Variants in PTPRD observed in about 807,000 individuals in gnomAD.
PTPRD encodes the protein receptor-type tyrosine-protein phosphatase delta.
PTPRD carries 34 observed loss-of-function variants against 214.5 expected under a neutral mutation model. The ratio of observed to expected loss-of-function variants is 0.16; its 90% CI spans 0.12 to 0.21. PTPRD has a LOEUF of 0.21. PTPRD is among the 10% of genes least tolerant of loss of function. The pLI is 1.00. For missense variants in PTPRD, 2,545 were observed against 2,398.7 expected, an observed-to-expected ratio of 1.06 and a Z score of -1.27; for synonymous variants, 1,128 against 845.7, an observed-to-expected ratio of 1.33 and a Z score of -5.79.
intron 11 of PTPRD, among the ~76,000 whole-genome samples, chr9:8,786,667 G>A (rs945116012): frequency 6.6e-6 from 1 of 151,346 alleles, no homozygotes; most frequent in Non-Finnish European, 1.5e-5. Flanking sequence ...CACCCGCCTC[G>A]GCATCCTAAA....
chr9:8,646,845 T>C (rs558494478), intron 12 of PTPRD, among the ~76,000 whole-genome samples: 3 of 152,320 alleles, frequency 2.0e-5, no homozygotes, highest in Non-Finnish European at 4.4e-5. Flanking sequence ...TTTCAATGCA[T>C]ACATGAGCTT....
At chr9:8,730,291 A>G (rs779989068) in intron 12 of PTPRD, among the ~76,000 whole-genome samples, 1 of 152,174 alleles carries the variant, frequency 6.6e-6, no homozygotes, top group Admixed American at 6.6e-5. Context: ...TATTGCGAGT[A>G]TATAGTGACT....
chr9:10,602,838 T>C (rs373805074), intron 2 of PTPRD, among the ~76,000 whole-genome samples: 8 of 151,812 alleles, frequency 5.3e-5, no homozygotes, highest in African/African-American at 1.9e-4. Flanking sequence ...TTCATTATTA[T>C]GTGGGGCATG....
Position 9,877,490 on chromosome 9 carries a change from T to G in PTPRD, c.-368+61017A>C, listed in dbSNP as rs897142047. On this transcript the variant is annotated intron_variant, in intron 5 of 45. Coordinates refer to ENST00000381196, the MANE Select transcript of PTPRD (RefSeq NM_002839.4). ...GATATGTTAGAACCACTGTATGAGG[T>G]GGAGATTCTTTTCTTTTTCATGACT... Among the ~76,000 whole-genome samples the G allele has an allele frequency of 3.9e-5, 6 of 152,178 alleles. No homozygotes were observed. In the East Asian group the frequency reaches 7.7e-4, roughly 20 times the overall value.
At chr9:8,448,231 G>C (rs1035475640) in intron 34 of PTPRD, among the ~76,000 whole-genome samples, 3 of 152,138 alleles carry the variant, frequency 2.0e-5, no homozygotes, top group African/African-American at 7.2e-5. Context: ...GGGAAGCTGA[G>C]GTAGGGGGAT....
chr9:8,638,103 CTTTTT>C (rs963311950), intron 12 of PTPRD, among the ~76,000 whole-genome samples: 1 of 127,030 alleles, frequency 7.9e-6, no homozygotes, highest in Non-Finnish European at 1.7e-5. Context: ...GCTGTTCCTT[CTTTTT>C]TTTTTTTTTT....
chr9:9,591,906 T>A (rs1209113002), intron 7 of PTPRD, among the ~76,000 whole-genome samples: 1 of 152,084 alleles, frequency 6.6e-6, no homozygotes, highest in Non-Finnish European at 1.5e-5. Flanking sequence ...ACACCAGAAC[T>A]TATTCCTGCT....
At chr9:10,455,653 G>T (rs1163763778) in intron 2 of PTPRD, among the ~76,000 whole-genome samples, 1 of 151,656 alleles carries the variant, frequency 6.6e-6, no homozygotes, top group African/African-American at 2.4e-5. Context: ...AATTTGGATA[G>T]AAACTTTATG....
intron 11 of PTPRD, among the ~76,000 whole-genome samples, chr9:8,918,776 A>G (rs2098805058): frequency 6.6e-6 from 1 of 152,202 alleles, no homozygotes. Context: ...AATCACCCAA[A>G]GGCTAGTTTA....
intron 3 of PTPRD, among the ~76,000 whole-genome samples, chr9:10,148,851 G>A (rs1166732866): frequency 6.6e-6 from 1 of 152,100 alleles, no homozygotes; most frequent in Non-Finnish European, 1.5e-5. Context: ...TACTATCTCA[G>A]ACACATTTTA....
chr9:9,356,441 C>G (rs2053818816), intron 9 of PTPRD, among the ~76,000 whole-genome samples: 1 of 150,996 alleles, frequency 6.6e-6, no homozygotes, highest in African/African-American at 2.4e-5. Flanking sequence ...AATAAACAAA[C>G]CAAGTGAAAT....
At chr9:8,572,753 T>C (rs1482992151) in intron 14 of PTPRD, among the ~76,000 whole-genome samples, 2 of 152,010 alleles carry the variant, frequency 1.3e-5, no homozygotes, top group Non-Finnish European at 2.9e-5. Flanking sequence ...AAAAACAACG[T>C]AGCACATTTC....
chr9:8,769,461 G>A (rs2095029698), intron 11 of PTPRD, among the ~76,000 whole-genome samples: 1 of 152,158 alleles, frequency 6.6e-6, no homozygotes, highest in African/African-American at 2.4e-5. Flanking sequence ...CATCCACAAA[G>A]TGTGTGATTT....
At chr9:10,580,460 G>T (rs12335709) in intron 2 of PTPRD, among the ~76,000 whole-genome samples, 3 of 152,060 alleles carry the variant, frequency 2.0e-5, no homozygotes, top group Non-Finnish European at 4.4e-5. Context: ...ACACTTTTTG[G>T]TTCTTGTATA....
At chr9:9,013,399 C>A (rs759931489) in intron 11 of PTPRD, among the ~76,000 whole-genome samples, 6 of 152,086 alleles carry the variant, frequency 3.9e-5, no homozygotes, top group Non-Finnish European at 7.3e-5. Flanking sequence ...AGCGATCAGT[C>A]ACAAGGCAGA....
intron 3 of PTPRD, among the ~76,000 whole-genome samples, chr9:10,300,210 G>A (rs2095818695): frequency 6.6e-6 from 1 of 152,068 alleles, no homozygotes; most frequent in Admixed American, 6.6e-5. Context: ...AATTCTAATG[G>A]GAAGATTTGC....
intron 8 of PTPRD, among the ~76,000 whole-genome samples, chr9:9,543,578 T>C (rs1044836026): frequency 1.3e-5 from 2 of 151,628 alleles, no homozygotes; most frequent in African/African-American, 4.8e-5. Context: ...GATAGATTTT[T>C]TGGTGATGGA....
At chr9:9,733,854 T>G (rs898952886) in intron 7 of PTPRD, among the ~76,000 whole-genome samples, 1 of 152,222 alleles carries the variant, frequency 6.6e-6, no homozygotes, top group African/African-American at 2.4e-5. Context: ...TGTATGAATG[T>G]GATAGTGAGC....
intron 12 of PTPRD, among the ~76,000 whole-genome samples, chr9:8,680,079 A>T (rs935480576): frequency 1.3e-5 from 2 of 152,126 alleles, no homozygotes; most frequent in Non-Finnish European, 2.9e-5. Flanking sequence ...ATTAGATACT[A>T]TGATTCTTTT....
Sources: gnomAD v4.1 joint callset for allele counts (sites outside exome capture counted in the v4.1 genomes callset) on GRCh38, gnomAD v4.1.1 for gene constraint, MANE v1.5 for transcripts, NCBI Gene and HGNC (gene_info 2026-07-23, HGNC 2026-07-21) for gene names.